The following CC2D2B variants were observed in gnomAD, a reference collection of about 807,000 sequenced individuals.
CC2D2B encodes protein CC2D2B.
CC2D2B carries 128 observed loss-of-function variants against 161.2 expected under a neutral mutation model. The ratio of observed to expected loss-of-function variants is 0.79; its 90% CI spans 0.69 to 0.92. The LOEUF is 0.92. Ranked by LOEUF, CC2D2B falls within the 40% of genes least tolerant of loss-of-function variation. The pLI is 0.00. For missense variants in CC2D2B, 1,173 were observed against 1,375.1 expected, an observed-to-expected ratio of 0.85 and a Z score of 2.32; for synonymous variants, 391 against 449.8, an observed-to-expected ratio of 0.87 and a Z score of 1.65.
intron 17 of CC2D2B, among the ~76,000 whole-genome samples, chr10:95,977,658 G>A (rs1015426908): frequency 2.0e-5 from 3 of 152,142 alleles, no homozygotes; most frequent in Non-Finnish European, 4.4e-5. Flanking sequence ...AGCCTTTCTA[G>A]ATCTAAAAGT....
At chr10:95,942,074 C>T (rs1206952169) in intron 9 of CC2D2B, among the ~76,000 whole-genome samples, 1 of 152,070 alleles carries the variant, frequency 6.6e-6, no homozygotes, top group African/African-American at 2.4e-5. Context: ...CACAGAAGAA[C>T]AAATTCTGCA....
intron 6 of CC2D2B, among the ~76,000 whole-genome samples, chr10:95,928,867 C>T (rs1036670866): frequency 3.3e-5 from 5 of 152,036 alleles, no homozygotes; most frequent in African/African-American, 4.8e-5. Flanking sequence ...AGTAAACATA[C>T]GTGTGCATGT....
intron 11 of CC2D2B, among the ~76,000 whole-genome samples, chr10:95,958,097 G>C (rs1325013027): frequency 6.7e-6 from 1 of 149,582 alleles, no homozygotes; most frequent in Non-Finnish European, 1.5e-5. Context: ...CTCAATGGCA[G>C]ATCTACCAGA....
At chr10:95,993,966 A>G (rs1349418795) in intron 22 of CC2D2B, among the ~76,000 whole-genome samples, 15 of 28,392 alleles carry the variant, frequency 5.3e-4, no homozygotes, top group African/African-American at 1.5e-3. Flanking sequence ...ATATATATAT[A>G]TATATATATA....
chr10:95,989,837 A>T (rs1464967435), intron 20 of CC2D2B, among the ~76,000 whole-genome samples: 1 of 152,220 alleles, frequency 6.6e-6, no homozygotes, highest in African/African-American at 2.4e-5. Context: ...TTCATGGGAT[A>T]ATTACTATAA....
At chr10:95,917,695 T>G (rs2098519044) in intron 2 of CC2D2B, among the ~76,000 whole-genome samples, 1 of 152,326 alleles carries the variant, frequency 6.6e-6, no homozygotes, top group East Asian at 1.9e-4. Context: ...CTCTACCCTT[T>G]AACTTTATCC....
Position 96,012,525 on chromosome 10 carries a change from A to G in CC2D2B, c.3229-7A>G. On this transcript the variant is annotated splice_region_variant and splice_polypyrimidine_tract_variant and intron_variant, in intron 27 of 34. Transcript: ENST00000646931. ...ACAATTCTGAAATACTTTACATTTT[A>G]TTGTAGTTTTTAGATCAAACAGAGG... The G allele has an allele frequency of 6.4e-7, 1 of 1,574,760 alleles. No individual in the cohort carries two copies. Among genetic ancestry groups the G allele is most frequent in the Non-Finnish European group, 8.7e-7 (1 of 1,145,028 alleles).
At chr10:95,939,780 C>T (rs572414926) in intron 9 of CC2D2B, among the ~76,000 whole-genome samples, 2 of 152,212 alleles carry the variant, frequency 1.3e-5, no homozygotes, top group East Asian at 3.9e-4. Flanking sequence ...ATTAGGACAG[C>T]CTTTTTTATG....
At chr10:95,955,927 C>T (rs1021548865) in intron 11 of CC2D2B, among the ~76,000 whole-genome samples, 1 of 152,140 alleles carries the variant, frequency 6.6e-6, no homozygotes, top group African/African-American at 2.4e-5. Context: ...GGCTTATAGA[C>T]TGGAAAGCGA....
chr10:95,938,555 T>G lies in CC2D2B; in HGVS notation c.536-14T>G, dbSNP rs779359954. ...TGGACTTTAAAGTAATATCTAAGTT[T>G]TATTGTTATAAAGTGGTTAACCAGC... On this transcript the variant is annotated splice_polypyrimidine_tract_variant and intron_variant, in intron 7 of 34. Transcript: ENST00000646931. The G allele has an allele frequency of 1.5e-6, 1 of 675,156 alleles. No homozygotes were observed. The highest frequency in any genetic ancestry group is 2.7e-6 in the Non-Finnish European group (1 of 372,460). The allele number at this position is 675,156 out of a possible 1,614,324, so 41.8% of individuals were successfully genotyped here. A position where few individuals can be genotyped will look rare whatever the true frequency, so the allele number is the denominator to read the frequency against.
chr10:95,924,009 A>G (rs901952347), intron 3 of CC2D2B, among the ~76,000 whole-genome samples: 2 of 152,158 alleles, frequency 1.3e-5, no homozygotes, highest in Non-Finnish European at 2.9e-5. Flanking sequence ...TGACAAGAGC[A>G]AAACTCTGTC....
intron 11 of CC2D2B, among the ~76,000 whole-genome samples, chr10:95,961,237 T>C (rs371795073): frequency 6.6e-6 from 1 of 152,164 alleles, no homozygotes; most frequent in Non-Finnish European, 1.5e-5. Context: ...CAGAATCTTG[T>C]AGCGTTCTGG....
intron 9 of CC2D2B, among the ~76,000 whole-genome samples, chr10:95,942,571 T>C (rs2141291750): frequency 6.6e-6 from 1 of 152,260 alleles, no homozygotes; most frequent in South Asian, 2.1e-4. Context: ...TTGGTAGTGT[T>C]TATTTGCCCT....
chr10:95,960,231 A>G (rs1423449636), intron 11 of CC2D2B, among the ~76,000 whole-genome samples: 2 of 152,020 alleles, frequency 1.3e-5, no homozygotes, highest in African/African-American at 4.8e-5. Context: ...AAATGACCAC[A>G]CTCCTTTAAG....
intron 21 of CC2D2B, 107 bp downstream of exon 21, chr10:95,991,568 T>C (rs1033316095): frequency 2.8e-6 from 1 of 358,528 alleles, no homozygotes; most frequent in Non-Finnish European, 4.9e-6. Flanking sequence ...TGTCAAAAGA[T>C]GCGGTTTCAG....
chr10:96,002,619 C>G (rs1287086154), intron 24 of CC2D2B, among the ~76,000 whole-genome samples: 1 of 152,182 alleles, frequency 6.6e-6, no homozygotes, highest in Non-Finnish European at 1.5e-5. Flanking sequence ...TTCTTAGATT[C>G]TGGCAACATG....
chr10:95,939,211 A>G (rs1035859105), intron 9 of CC2D2B, among the ~76,000 whole-genome samples: 2 of 152,164 alleles, frequency 1.3e-5, no homozygotes, highest in Non-Finnish European at 1.5e-5. Context: ...TACTCAAGGT[A>G]GCCACTATTA....
At chr10:95,998,078 G>T (rs184619701) in intron 24 of CC2D2B, among the ~76,000 whole-genome samples, 5 of 149,686 alleles carry the variant, frequency 3.3e-5, no homozygotes, top group African/African-American at 1.2e-4. Context: ...TAAAGAGGCA[G>T]TTTTTTTTTC....
chr10:95,923,864 AAAGAAAG>A (rs1419325262), intron 3 of CC2D2B, among the ~76,000 whole-genome samples: 11 of 152,122 alleles, frequency 7.2e-5, no homozygotes, highest in Non-Finnish European at 4.4e-5. Flanking sequence ...AAAATACAAA[AAAGAAAG>A]TTAGCAGGGT....
Sources: gnomAD v4.1 joint callset for allele counts (sites outside exome capture counted in the v4.1 genomes callset) on GRCh38, gnomAD v4.1.1 for gene constraint, MANE v1.5 for transcripts, NCBI Gene and HGNC (gene_info 2026-07-23, HGNC 2026-07-21) for gene names.